The following HS2ST1 variants were observed in gnomAD, a reference collection of about 807,000 sequenced individuals.
HS2ST1 encodes 2-O-sulfotransferase.
In HS2ST1, 18 loss-of-function variants were observed where a neutral mutation model predicts 42.9. That is an observed-to-expected ratio of 0.42 (90% CI 0.29 to 0.62). The LOEUF is 0.62. Among genes scored for constraint, HS2ST1 ranks in the 20% least tolerant of loss-of-function variants. The pLI, the probability that HS2ST1 is intolerant of heterozygous loss-of-function variation, is 0.21. For missense variants in HS2ST1, 334 were observed against 433.8 expected (o/e 0.77, Z 2.04); for synonymous variants, 146 against 152.9 (o/e 0.95, Z 0.33).
chr1:87,075,718 T>C (rs1651523375), intron 2 of HS2ST1, among the ~76,000 whole-genome samples: 1 of 152,192 alleles, frequency 6.6e-6, no homozygotes, highest in South Asian at 2.1e-4. Context: ...TTTTTGTACA[T>C]ACTATATTAG....
intron 1 of HS2ST1, among the ~76,000 whole-genome samples, chr1:86,969,118 TCTTAATACTTTAC>T (rs1648156431): frequency 6.6e-6 from 1 of 152,246 alleles, no homozygotes; most frequent in African/African-American, 2.4e-5. Context: ...TAATACTTTA[TCTTAATACTTTAC>T]CTACAGAGGT....
At chr1:86,982,807 C>T (rs1417195255) in intron 1 of HS2ST1, among the ~76,000 whole-genome samples, 3 of 152,082 alleles carry the variant, frequency 2.0e-5, no homozygotes, top group African/African-American at 7.2e-5. Context: ...AGCCACTGCG[C>T]CTGGCCGCCA....
intron 5 of HS2ST1, among the ~76,000 whole-genome samples, chr1:87,103,136 A>AG (rs1652255326): frequency 1.3e-5 from 2 of 152,168 alleles, no homozygotes. Context: ...ATCATATGGG[A>AG]GGGGTGTATG....
chr1:87,004,916 A>G (rs756290597), intron 1 of HS2ST1, among the ~76,000 whole-genome samples: 3 of 152,178 alleles, frequency 2.0e-5, no homozygotes, highest in Non-Finnish European at 2.9e-5. Context: ...AGGACAATCT[A>G]TTTCATTTTT....
At chr1:87,087,966 CCT>C (rs1482177681) in intron 3 of HS2ST1, among the ~76,000 whole-genome samples, 5 of 152,032 alleles carry the variant, frequency 3.3e-5, no homozygotes, top group Admixed American at 2.0e-4. Flanking sequence ...GCTTCAGTGT[CCT>C]GTTTTTAATT....
chr1:86,991,942 C>T (rs181700045), intron 1 of HS2ST1, among the ~76,000 whole-genome samples: 47 of 152,294 alleles, frequency 3.1e-4, no homozygotes, highest in Admixed American at 9.8e-4. Flanking sequence ...CCCAGCGCCA[C>T]GGACTGGTAC....
At chr1:87,096,017 C>A (rs778210895) in intron 4 of HS2ST1, among the ~76,000 whole-genome samples, 30 of 148,480 alleles carry the variant, frequency 2.0e-4, no homozygotes, top group Non-Finnish European at 3.1e-4. Context: ...TGTTTTGAAC[C>A]CTGAGAAGCT....
intron 1 of HS2ST1, among the ~76,000 whole-genome samples, chr1:87,007,309 G>T (rs1221740160): frequency 6.6e-6 from 1 of 151,798 alleles, no homozygotes; most frequent in Non-Finnish European, 1.5e-5. Flanking sequence ...ATGTGTACAT[G>T]CATTTTCTAT....
chr1:87,073,785 A>G (rs1651475659), intron 2 of HS2ST1, among the ~76,000 whole-genome samples: 1 of 152,202 alleles, frequency 6.6e-6, no homozygotes, highest in South Asian at 2.1e-4. Context: ...TAGTAGTAGC[A>G]TACATTTCTC....
At chr1:86,922,616 T>C (rs1660323859) in intron 1 of HS2ST1, among the ~76,000 whole-genome samples, 1 of 152,158 alleles carries the variant, frequency 6.6e-6, no homozygotes, top group African/African-American at 2.4e-5. Flanking sequence ...AATTCTAAGC[T>C]GACATTTTTG....
At chr1:87,026,041 A>G (rs1225010894) in intron 1 of HS2ST1, among the ~76,000 whole-genome samples, 1 of 152,232 alleles carries the variant, frequency 6.6e-6, no homozygotes, top group Non-Finnish European at 1.5e-5. Context: ...GAGCCAATAG[A>G]TTGCAACTGT....
chr1:87,028,255 CTG>C (rs1650138671), intron 1 of HS2ST1, among the ~76,000 whole-genome samples: 1 of 152,244 alleles, frequency 6.6e-6, no homozygotes, highest in East Asian at 1.9e-4. Flanking sequence ...AATTTCTAAA[CTG>C]TGTGCCAAGA....
At chr1:87,071,349 G>A (rs1651398790) in intron 1 of HS2ST1, among the ~76,000 whole-genome samples, 1 of 152,164 alleles carries the variant, frequency 6.6e-6, no homozygotes, top group African/African-American at 2.4e-5. Flanking sequence ...CAGCATCATA[G>A]GGGACACTAA....
At chr1:86,976,792 TG>T (rs1287289618) in intron 1 of HS2ST1, among the ~76,000 whole-genome samples, 1 of 148,306 alleles carries the variant, frequency 6.7e-6, no homozygotes, top group African/African-American at 2.5e-5. Context: ...GGCAGTGGGC[TG>T]GGTGTGATGG....
chr1:87,087,888 C>A (rs529324145), intron 3 of HS2ST1, among the ~76,000 whole-genome samples: 2 of 152,076 alleles, frequency 1.3e-5, no homozygotes, highest in Non-Finnish European at 2.9e-5. Context: ...TCAGACAGAT[C>A]TGCCATTAAA....
intron 1 of HS2ST1, among the ~76,000 whole-genome samples, chr1:87,058,225 T>C (rs756547998): frequency 4.0e-5 from 6 of 151,628 alleles, no homozygotes; most frequent in Non-Finnish European, 8.8e-5. Flanking sequence ...TATATGAGTA[T>C]CTCCAGAGAC....
chr1:87,035,160 C>G (rs1420282190), intron 1 of HS2ST1, among the ~76,000 whole-genome samples: 1 of 152,176 alleles, frequency 6.6e-6, no homozygotes, highest in Non-Finnish European at 1.5e-5. Context: ...CCAGAAGGAA[C>G]ATAACCTAGC....
intron 1 of HS2ST1, among the ~76,000 whole-genome samples, chr1:87,053,111 A>G (rs1650875456): frequency 6.6e-6 from 1 of 152,234 alleles, no homozygotes; most frequent in Non-Finnish European, 1.5e-5. Context: ...CTAATTTTCA[A>G]CAGCTGCTGC....
intron 5 of HS2ST1, among the ~76,000 whole-genome samples, chr1:87,099,423 T>C (rs1652148370): frequency 6.6e-6 from 1 of 152,086 alleles, no homozygotes; most frequent in African/African-American, 2.4e-5. Context: ...TCCCAGACTT[T>C]CAAACAACCA....
Sources: allele counts gnomAD v4.1 joint callset (sites outside exome capture counted in the v4.1 genomes callset), GRCh38; gene constraint gnomAD v4.1.1; transcripts MANE v1.5; gene names NCBI Gene and HGNC (gene_info 2026-07-23, HGNC 2026-07-21).